The following CDH20 variants were observed in gnomAD, a reference collection of about 807,000 sequenced individuals.
CDH20 encodes the protein cadherin 20.
Under a neutral mutation model 74.2 loss-of-function variants are expected in CDH20, and 29 were observed. That is an observed-to-expected ratio of 0.39 (90% confidence interval 0.29 to 0.53). CDH20 has a LOEUF of 0.53. Among genes scored for constraint, CDH20 ranks in the 20% least tolerant of loss-of-function variants. The probability of loss-of-function intolerance (pLI) is 0.69; values close to 1 mark genes in which losing one functional copy is unlikely to be tolerated. For synonymous variants in CDH20, 469 were observed against 405.4 expected, an observed-to-expected ratio of 1.16 and a Z score of -1.88; for missense variants, 988 against 1,048.3, an observed-to-expected ratio of 0.94 and a Z score of 0.79.
At chr18:61,397,801 A>G (rs1228110138) in intron 1 of CDH20, among the ~76,000 whole-genome samples, 1 of 152,194 alleles carries the variant, frequency 6.6e-6, no homozygotes, top group Non-Finnish European at 1.5e-5. Flanking sequence ...AAATGAGGGA[A>G]ACACACCTCA....
rs535637330 is a variant in CDH20 at position 61,410,314 on chromosome 18, C to T, written c.-153+76487C>T. ...AGAGCTCATCTATCCTAGTAATCAA[C>T]GTACAATAAAGCTTATGACATACCA... is the stretch of plus-strand genomic sequence containing the variant. On this transcript the variant is annotated intron_variant, in intron 1 of 11. Transcript: ENST00000262717. Among the ~76,000 whole-genome samples, 18 of 152,190 alleles carry T rather than the reference C, an allele frequency of 1.2e-4. No individual in the cohort carries two copies. The South Asian group carries it at 2.1e-3, about 18-fold the overall frequency.
chr18:61,360,158 A>G (rs891591584), intron 1 of CDH20, among the ~76,000 whole-genome samples: 5 of 152,202 alleles, frequency 3.3e-5, no homozygotes, highest in Admixed American at 3.3e-4. Context: ...TCAATGGGTT[A>G]CTGTGGAGCC....
chr18:61,376,771 C>A (rs1322830715), intron 1 of CDH20, among the ~76,000 whole-genome samples: 1 of 152,034 alleles, frequency 6.6e-6, no homozygotes. Context: ...TCACAAGATT[C>A]TTCTTATAAC....
intron 1 of CDH20, among the ~76,000 whole-genome samples, chr18:61,364,871 G>A (rs1401733120): frequency 1.3e-5 from 2 of 152,106 alleles, no homozygotes; most frequent in African/African-American, 2.4e-5. Context: ...ACTAAGACAC[G>A]GCTACAGCTA....
chr18:61,403,002 G>C (rs567616529), intron 1 of CDH20, among the ~76,000 whole-genome samples: 5 of 151,930 alleles, frequency 3.3e-5, no homozygotes, highest in African/African-American at 7.3e-5. Context: ...CCCTTCTCAG[G>C]GTTAATCAGA....
intron 1 of CDH20, among the ~76,000 whole-genome samples, chr18:61,349,601 T>C (rs1308512555): frequency 6.6e-6 from 1 of 152,174 alleles, no homozygotes; most frequent in East Asian, 1.9e-4. Context: ...TATTTTTCCA[T>C]GGATATCTAC....
intron 10 of CDH20, among the ~76,000 whole-genome samples, chr18:61,547,523 GT>G (rs1913293551): frequency 6.6e-6 from 1 of 152,080 alleles, no homozygotes; most frequent in African/African-American, 2.4e-5. Context: ...CAGTTTCAAA[GT>G]ATTTTCCCAT....
chr18:61,545,400 GC>G (rs1913212071), intron 10 of CDH20, among the ~76,000 whole-genome samples: 1 of 151,502 alleles, frequency 6.6e-6, no homozygotes, highest in Non-Finnish European at 1.5e-5. Flanking sequence ...GAGCCACCGT[GC>G]CCAGCCTCAC....
At chr18:61,439,549 T>C (rs1461996972) in intron 1 of CDH20, among the ~76,000 whole-genome samples, 3 of 152,174 alleles carry the variant, frequency 2.0e-5, no homozygotes, top group African/African-American at 7.2e-5. Flanking sequence ...CAAGGTAAAG[T>C]CCTACATTTC....
intron 8 of CDH20, among the ~76,000 whole-genome samples, chr18:61,538,614 G>GTTTTTTTTTTTTTTTT (rs541920246): frequency 1.7e-5 from 1 of 57,550 alleles, no homozygotes; most frequent in Non-Finnish European, 3.5e-5. Flanking sequence ...TTTTGTTTTT[G>GTTTTTTTTTTTTTTTT]TTTTTGTTTT....
chr18:61,392,250 A>C (rs978547857), intron 1 of CDH20, among the ~76,000 whole-genome samples: 1 of 134,702 alleles, frequency 7.4e-6, no homozygotes, highest in Admixed American at 8.8e-5. Context: ...CTCACACTCT[A>C]CCTCCCATCT....
intron 1 of CDH20, among the ~76,000 whole-genome samples, chr18:61,471,803 G>A (rs920295835): frequency 6.6e-5 from 10 of 152,090 alleles, no homozygotes; most frequent in African/African-American, 2.4e-4. Context: ...GGTTTCTTAG[G>A]GAGTATTATT....
chr18:61,550,904 G>A (rs1913412027), intron 11 of CDH20, among the ~76,000 whole-genome samples: 1 of 152,194 alleles, frequency 6.6e-6, no homozygotes, highest in Non-Finnish European at 1.5e-5. Context: ...AGGAAGTGAT[G>A]GTGTGAACCA....
intron 1 of CDH20, among the ~76,000 whole-genome samples, chr18:61,400,511 T>C (rs1174927639): frequency 1.3e-5 from 2 of 152,140 alleles, no homozygotes; most frequent in African/African-American, 2.4e-5. Context: ...CAAAGGGAGA[T>C]GGAATGTCTA....
At chr18:61,449,098 A>T (rs1361895001) in intron 1 of CDH20, among the ~76,000 whole-genome samples, 1 of 152,168 alleles carries the variant, frequency 6.6e-6, no homozygotes. Flanking sequence ...TTCACATAGG[A>T]CTTTTCTCAT....
At chr18:61,477,551 TCTTC>T in intron 1 of CDH20, among the ~76,000 whole-genome samples, 1 of 152,346 alleles carries the variant, frequency 6.6e-6, no homozygotes, top group African/African-American at 2.4e-5. Context: ...CAATTCTCTA[TCTTC>T]CTTCCAAGAC....
chr18:61,387,951 C>T (rs1911655946), intron 1 of CDH20, among the ~76,000 whole-genome samples: 1 of 150,252 alleles, frequency 6.7e-6, no homozygotes, highest in Non-Finnish European at 1.5e-5. Context: ...GTGAATGTTA[C>T]TTTTATAGTG....
intron 1 of CDH20, among the ~76,000 whole-genome samples, chr18:61,396,395 C>T (rs751059903): frequency 6.6e-6 from 1 of 151,694 alleles, no homozygotes; most frequent in Non-Finnish European, 1.5e-5. Flanking sequence ...GGTACCTTCA[C>T]CTGTTCATCC....
At chr18:61,512,675 T>C (rs1017378324) in intron 6 of CDH20, among the ~76,000 whole-genome samples, 20 of 152,218 alleles carry the variant, frequency 1.3e-4, no homozygotes, top group African/African-American at 4.6e-4. Flanking sequence ...GACATTTTAA[T>C]GTGTCCCAGA....
Sources: gnomAD v4.1 joint callset for allele counts (sites outside exome capture counted in the v4.1 genomes callset) on GRCh38, gnomAD v4.1.1 for gene constraint, MANE v1.5 for transcripts, NCBI Gene and HGNC (gene_info 2026-07-23, HGNC 2026-07-21) for gene names.